The following BMAL2 variants were observed in gnomAD, a reference collection of about 807,000 sequenced individuals.
BMAL2 encodes the protein basic helix-loop-helix ARNT like 2.
the BMAL2 span, among the ~76,000 whole-genome samples, chr12:27,356,201 C>T: frequency 4.6e-5 from 7 of 152,004 alleles, no homozygotes; most frequent in African/African-American, 1.5e-4. Context: ...TCTGTTTAGG[C>T]GAAGGTGGAA....
the BMAL2 span, chr12:27,422,462 A>C: frequency 6.6e-6 from 1 of 152,252 alleles, no homozygotes; most frequent in East Asian, 1.9e-4. Context: ...AATAACCAAA[A>C]GCAAATGTTT....
At chr12:27,387,685 T>C in the BMAL2 span, among the ~76,000 whole-genome samples, 1 of 152,222 alleles carries the variant, frequency 6.6e-6, no homozygotes, top group Non-Finnish European at 1.5e-5. Context: ...ACTTTATGGT[T>C]AATTATTAAG....
the BMAL2 span, among the ~76,000 whole-genome samples, chr12:27,356,696 TG>T: frequency 6.6e-6 from 1 of 152,224 alleles, no homozygotes; most frequent in African/African-American, 2.4e-5. Context: ...GCATTATTTT[TG>T]TTTCTTGTTT....
the BMAL2 span, chr12:27,387,351 A>G: frequency 8.3e-6 from 12 of 1,443,368 alleles, no homozygotes; most frequent in Admixed American, 1.8e-5. Flanking sequence ...TTTCCATACA[A>G]TGTTTAATTT....
chr12:27,376,470 C>A, the BMAL2 span: 6 of 1,268,252 alleles, frequency 4.7e-6, no homozygotes, highest in Non-Finnish European at 5.7e-6. Context: ...AAGGTGACAC[C>A]AAGGTAGAAG....
At chr12:27,393,359 G>GA in the BMAL2 span, among the ~76,000 whole-genome samples, 1 of 152,192 alleles carries the variant, frequency 6.6e-6, no homozygotes, top group Non-Finnish European at 1.5e-5. Flanking sequence ...CACCTGGAAG[G>GA]ATTTTTAAAA....
At chr12:27,389,336 T>C in the BMAL2 span, 4 of 1,341,868 alleles carry the variant, frequency 3.0e-6, no homozygotes, top group South Asian at 1.2e-5. Context: ...TTTATGTAAA[T>C]GTAATGATCA....
At chr12:27,380,086 A>G in the BMAL2 span, among the ~76,000 whole-genome samples, 1 of 152,174 alleles carries the variant, frequency 6.6e-6, no homozygotes, top group African/African-American at 2.4e-5. Flanking sequence ...TCCTGGTCTC[A>G]GCAGCGCTTT....
At chr12:27,359,208 G>A in the BMAL2 span, among the ~76,000 whole-genome samples, 25 of 152,240 alleles carry the variant, frequency 1.6e-4, no homozygotes, top group African/African-American at 5.1e-4. Context: ...TAGAAAGTAC[G>A]CCTCCTTGTT....
the BMAL2 span, chr12:27,370,294 G>A: frequency 1.6e-6 from 2 of 1,248,798 alleles, no homozygotes; most frequent in African/African-American, 1.5e-5. Flanking sequence ...GAGTGGCAGT[G>A]AAAACATGAT....
At chr12:27,367,372 G>A in the BMAL2 span, among the ~76,000 whole-genome samples, 5 of 152,224 alleles carry the variant, frequency 3.3e-5, no homozygotes, top group African/African-American at 1.2e-4. Context: ...TTTATTTCTG[G>A]AATTTTCCAT....
the BMAL2 span, chr12:27,390,072 C>A: frequency 6.2e-7 from 1 of 1,610,354 alleles, no homozygotes; most frequent in Non-Finnish European, 8.5e-7. Flanking sequence ...TCCACCTATT[C>A]TCTCGCCCCC....
chr12:27,359,167 A>G, the BMAL2 span, among the ~76,000 whole-genome samples: 1 of 152,172 alleles, frequency 6.6e-6, no homozygotes, highest in African/African-American at 2.4e-5. Flanking sequence ...GTGAAAGAAA[A>G]ATGATATAAA....
chr12:27,390,316 A>T, the BMAL2 span: 1 of 1,443,614 alleles, frequency 6.9e-7, no homozygotes, highest in Non-Finnish European at 9.5e-7. Context: ...TACAGAAAAA[A>T]TAAAATATAT....
At chr12:27,420,019 G>GCGCGCGCGCGCGCGCGCACACACACA in the BMAL2 span, among the ~76,000 whole-genome samples, 70 of 147,554 alleles carry the variant, frequency 4.7e-4, no homozygotes, top group African/African-American at 1.7e-3. Context: ...GTTTGCGCGT[G>GCGCGCGCGCGCGCGCGCACACACACA]CACACACACA....
the BMAL2 span, chr12:27,390,548 A>G: frequency 7.7e-6 from 2 of 258,896 alleles, no homozygotes; most frequent in South Asian, 5.1e-5. Context: ...GTGAAACTTC[A>G]TTATTACATT....
At chr12:27,334,690 G>A in the BMAL2 span, among the ~76,000 whole-genome samples, 1 of 152,204 alleles carries the variant, frequency 6.6e-6, no homozygotes, top group South Asian at 2.1e-4. Context: ...TAGATTAATA[G>A]TTTATTGCTC....
chr12:27,360,534 G>A, the BMAL2 span, among the ~76,000 whole-genome samples: 1 of 152,000 alleles, frequency 6.6e-6, no homozygotes, highest in Non-Finnish European at 1.5e-5. Flanking sequence ...ATTATTTCAA[G>A]ATAAAAAGGT....
chr12:27,375,962 C>G, the BMAL2 span, among the ~76,000 whole-genome samples: 2 of 152,146 alleles, frequency 1.3e-5, no homozygotes, highest in Non-Finnish European at 2.9e-5. Flanking sequence ...TGTTTTAATA[C>G]AGCTATCATA....
Sources: allele counts gnomAD v4.1 joint callset (sites outside exome capture counted in the v4.1 genomes callset), GRCh38; gene constraint gnomAD v4.1.1; transcripts MANE v1.5; gene names NCBI Gene and HGNC (gene_info 2026-07-23, HGNC 2026-07-21).